Variants in PTGFR observed in about 807,000 individuals in gnomAD.
The protein encoded by PTGFR is prostaglandin F receptor, also known as prostaglandin F2-alpha receptor.
Under a neutral mutation model 26.2 loss-of-function variants are expected in PTGFR, and 15 were observed. The ratio of observed to expected loss-of-function variants is 0.57; its 90% confidence interval spans 0.38 to 0.88. The LOEUF (loss-of-function observed/expected upper bound fraction) is 0.88. Among genes scored for constraint, PTGFR ranks in the 40% least tolerant of loss-of-function variants. The pLI is 0.00. For synonymous variants in PTGFR, 165 were observed against 151.1 expected (o/e 1.09, Z -0.68); for missense variants, 369 against 427.2 (o/e 0.86, Z 1.20).
intron 2 of PTGFR, among the ~76,000 whole-genome samples, chr1:78,527,878 A>G (rs1650409337): frequency 6.6e-6 from 1 of 152,162 alleles, no homozygotes; most frequent in Admixed American, 6.6e-5. Context: ...TGAGCATGAC[A>G]CTGGGAATAA....
chr1:78,516,770 T>A (rs540825118), intron 2 of PTGFR, among the ~76,000 whole-genome samples: 130 of 152,042 alleles, frequency 8.6e-4, no homozygotes, highest in African/African-American at 2.8e-3. Context: ...CTTTGAGAAG[T>A]CGTTTTTCTC....
intron 2 of PTGFR, among the ~76,000 whole-genome samples, chr1:78,495,137 T>A (rs1255872898): frequency 6.6e-6 from 1 of 152,212 alleles, no homozygotes. Context: ...GTTGGCCAGG[T>A]CATAAGAGCT....
chr1:78,519,069 A>G (rs941364409), intron 2 of PTGFR, among the ~76,000 whole-genome samples: 5 of 152,168 alleles, frequency 3.3e-5, no homozygotes, highest in Admixed American at 6.6e-5. Flanking sequence ...TTGCCTATCA[A>G]ATATTTATAA....
intron 2 of PTGFR, among the ~76,000 whole-genome samples, chr1:78,508,006 C>T (rs1186813213): frequency 1.3e-5 from 2 of 152,026 alleles, no homozygotes; most frequent in Admixed American, 1.3e-4. Flanking sequence ...CTTTTCCTTC[C>T]TGTGTAGTTA....
At chr1:78,512,345 T>G (rs1649992025) in intron 2 of PTGFR, among the ~76,000 whole-genome samples, 1 of 152,202 alleles carries the variant, frequency 6.6e-6, no homozygotes, top group Admixed American at 6.5e-5. Flanking sequence ...GAGGTTGAAT[T>G]GGCTCATGGT....
chr1:78,530,017 T>C (rs1226835205), intron 2 of PTGFR, among the ~76,000 whole-genome samples: 1 of 152,130 alleles, frequency 6.6e-6, no homozygotes, highest in Non-Finnish European at 1.5e-5. Flanking sequence ...ATGAAACTGG[T>C]CTCTGGTGCC....
chr1:78,515,604 C>A (rs147808764), intron 2 of PTGFR, among the ~76,000 whole-genome samples: 1 of 152,174 alleles, frequency 6.6e-6, no homozygotes, highest in Non-Finnish European at 1.5e-5. Flanking sequence ...GGAGAAATTA[C>A]AATTCTGGAC....
Position 78,493,051 on chromosome 1 carries a change from A to G in PTGFR, c.308A>G (p.Gln103Arg). 2 of 1,614,262 alleles carry G rather than the reference A, an allele frequency of 1.2e-6. No homozygotes were observed. The highest frequency in any genetic ancestry group is 1.7e-6 in the Non-Finnish European group (2 of 1,180,048). Residue 103 changes from glutamine (Q) to arginine (R), a missense_variant, in exon 2 of 3, where the codon CAA becomes CGA. Coordinates refer to ENST00000370757, the MANE Select transcript of PTGFR (RefSeq NM_000959.4). ...ASDKEWIRFD[Q>R]SNVLCSIFGI... ...GATAAAGAATGGATCCGCTTTGACC[A>G]ATCAAATGTCCTTTGCAGTATTTTT...
chr1:78,509,593 A>C (rs545069241), intron 2 of PTGFR, among the ~76,000 whole-genome samples: 1 of 152,180 alleles, frequency 6.6e-6, no homozygotes, highest in Non-Finnish European at 1.5e-5. Context: ...TTTCCGATAC[A>C]TCTTAATTTT....
At chr1:78,533,099 G>A (rs981982953) in intron 2 of PTGFR, among the ~76,000 whole-genome samples, 15 of 152,226 alleles carry the variant, frequency 9.9e-5, no homozygotes, top group Non-Finnish European at 2.9e-5. Context: ...GAAAACTAGA[G>A]TATAAGAGGT....
At chr1:78,535,273 C>T (rs770278773) in intron 2 of PTGFR, among the ~76,000 whole-genome samples, 10 of 151,966 alleles carry the variant, frequency 6.6e-5, no homozygotes, top group Non-Finnish European at 1.0e-4. Flanking sequence ...TTGTATCATA[C>T]GGAATTTGCA....
intron 2 of PTGFR, among the ~76,000 whole-genome samples, chr1:78,509,337 C>G (rs1178351554): frequency 6.6e-6 from 1 of 152,130 alleles, no homozygotes; most frequent in African/African-American, 2.4e-5. Context: ...TTTGGAATTG[C>G]TCAACACCTG....
intron 2 of PTGFR, among the ~76,000 whole-genome samples, chr1:78,496,262 T>C (rs1649550264): frequency 6.6e-6 from 1 of 152,214 alleles, no homozygotes; most frequent in Admixed American, 6.5e-5. Flanking sequence ...GAATATTTTC[T>C]CTTTTTTTCT....
chr1:78,526,435 T>C (rs1650374942), intron 2 of PTGFR, among the ~76,000 whole-genome samples: 1 of 151,948 alleles, frequency 6.6e-6, no homozygotes, highest in South Asian at 2.1e-4. Flanking sequence ...AAATGTGAGG[T>C]GTAAATTGAC....
intron 2 of PTGFR, among the ~76,000 whole-genome samples, chr1:78,532,546 G>GTA (rs1006037055): frequency 6.7e-6 from 1 of 148,556 alleles, no homozygotes; most frequent in African/African-American, 2.5e-5. Context: ...ATATATGTGT[G>GTA]TATATATACA....
chr1:78,502,535 A>G (rs550753541), intron 2 of PTGFR, among the ~76,000 whole-genome samples: 59 of 152,318 alleles, frequency 3.9e-4, no homozygotes, highest in East Asian at 7.7e-4. Flanking sequence ...TGTTTGACAT[A>G]TAACAAGTAC....
At chr1:78,506,785 C>T (rs1412158552) in intron 2 of PTGFR, among the ~76,000 whole-genome samples, 1 of 151,946 alleles carries the variant, frequency 6.6e-6, no homozygotes, top group Non-Finnish European at 1.5e-5. Context: ...TTTCTGTATC[C>T]TGGAGTCAGT....
intron 2 of PTGFR, chr1:78,532,362 A>AC (rs1650528962): frequency 1.4e-5 from 1 of 72,272 alleles, no homozygotes; most frequent in African/African-American, 7.0e-5. Context: ...AAGTAAATTC[A>AC]TTTATATATA....
At chr1:78,528,876 A>G (rs1039560960) in intron 2 of PTGFR, among the ~76,000 whole-genome samples, 1 of 152,162 alleles carries the variant, frequency 6.6e-6, no homozygotes, top group Non-Finnish European at 1.5e-5. Context: ...AGACCAACAC[A>G]TACATTTCAA....
Sources: allele counts gnomAD v4.1 joint callset (sites outside exome capture counted in the v4.1 genomes callset), GRCh38; gene constraint gnomAD v4.1.1; transcripts MANE v1.5; gene names NCBI Gene and HGNC (gene_info 2026-07-23, HGNC 2026-07-21).